Variants in BMP2K observed in about 807,000 individuals in gnomAD.
BMP2K encodes BMP-2-inducible protein kinase.
Under a neutral mutation model 116.0 loss-of-function variants are expected in BMP2K, and 74 were observed. That is an observed-to-expected ratio of 0.64 (90% CI 0.53 to 0.77). BMP2K has a LOEUF of 0.77. Ranked by LOEUF, BMP2K falls within the 30% of genes least tolerant of loss-of-function variation. The pLI is 0.00. For synonymous variants in BMP2K, 486 were observed against 502.5 expected, an observed-to-expected ratio of 0.97 and a Z score of 0.44; for missense variants, 1,365 against 1,403.6, an observed-to-expected ratio of 0.97 and a Z score of 0.44.
chr4:78,912,046 G>A lies in BMP2K; in HGVS notation c.*13G>A. The A allele has an allele frequency of 6.4e-7, 1 of 1,566,964 alleles. No homozygotes were observed. Among genetic ancestry groups the A allele is most frequent in the Non-Finnish European group, 8.7e-7 (1 of 1,155,184 alleles). On this transcript the variant is annotated 3_prime_UTR_variant, in exon 16 of 16. Coordinates refer to ENST00000502613, the MANE Select transcript of BMP2K (RefSeq NM_198892.2). ...TTCTAAACAGTAGATACTTCTGATG[G>A]ATTCTCGGCATTAACTCCTGTTTCA... is the stretch of plus-strand genomic sequence containing the variant.
intron 1 of BMP2K, among the ~76,000 whole-genome samples, chr4:78,790,229 G>T (rs1727933026): frequency 6.6e-6 from 1 of 152,130 alleles, no homozygotes. Context: ...CTTGATTTAT[G>T]ATTTTAAAAC....
At chr4:78,802,831 A>C (rs1010103554) in intron 1 of BMP2K, among the ~76,000 whole-genome samples, 1 of 142,638 alleles carries the variant, frequency 7.0e-6, no homozygotes, top group South Asian at 2.1e-4. Flanking sequence ...ATCAGCATTT[A>C]TAATCTTTTT....
At position 78,910,081 on chromosome 4, in the gene BMP2K, C is replaced by T. The variant is rs143490395; in HGVS notation, c.2063-529C>T. Among the ~76,000 whole-genome samples, 1,203 of 152,172 alleles carry T rather than the reference C, an allele frequency of 7.9e-3. 18 individuals carry two copies. Among genetic ancestry groups the T allele is most frequent in the African/African-American group, 0.028 (1,142 of 41,510 alleles). ...ATCTGGTCCTTAGCTTTGGTGAGGC[C>T]ATTCATGCTAAGTCAATTCAAAAGA... On this transcript the variant is annotated intron_variant, in intron 15 of 15. Transcript: ENST00000502613.
intron 1 of BMP2K, among the ~76,000 whole-genome samples, chr4:78,813,451 A>G (rs1051120300): frequency 6.6e-6 from 1 of 152,192 alleles, no homozygotes; most frequent in Non-Finnish European, 1.5e-5. Flanking sequence ...AGCAAAAGCC[A>G]GTGACATTAC....
At chr4:78,880,365 C>G (rs951387781) in intron 14 of BMP2K, among the ~76,000 whole-genome samples, 1 of 152,164 alleles carries the variant, frequency 6.6e-6, no homozygotes, top group Non-Finnish European at 1.5e-5. Context: ...AGCCACCATG[C>G]CCAGCTCTTT....
chr4:78,857,597 C>T (rs528445917), intron 7 of BMP2K, among the ~76,000 whole-genome samples: 16 of 152,106 alleles, frequency 1.1e-4, no homozygotes, highest in South Asian at 2.1e-4. Flanking sequence ...TAAACCAGGC[C>T]GCAAAAGAAG....
chr4:78,779,413 A>G (rs1192949523), intron 1 of BMP2K, among the ~76,000 whole-genome samples: 3 of 152,244 alleles, frequency 2.0e-5, no homozygotes, highest in Admixed American at 2.0e-4. Flanking sequence ...CACTACGCTT[A>G]GGGACTGTTT....
At chr4:78,777,349 G>T (rs1030895562) in intron 1 of BMP2K, among the ~76,000 whole-genome samples, 1 of 152,142 alleles carries the variant, frequency 6.6e-6, no homozygotes, top group Non-Finnish European at 1.5e-5. Context: ...TGCTATTCAT[G>T]CCCTCCCAGT....
intron 13 of BMP2K, 27 bp downstream of exon 13, chr4:78,872,825 G>A: frequency 6.3e-7 from 1 of 1,595,236 alleles, no homozygotes; most frequent in South Asian, 1.1e-5. Context: ...TGAAAGCAAA[G>A]GAAATTATTG....
intron 8 of BMP2K, among the ~76,000 whole-genome samples, chr4:78,860,999 A>G (rs1208749342): frequency 6.6e-6 from 1 of 151,864 alleles, no homozygotes; most frequent in Admixed American, 6.6e-5. Flanking sequence ...CTTGAAAATT[A>G]TCTGTAGTAT....
chr4:78,815,011 T>C (rs538023319), intron 1 of BMP2K, among the ~76,000 whole-genome samples: 1 of 152,132 alleles, frequency 6.6e-6, no homozygotes, highest in East Asian at 1.9e-4. Flanking sequence ...ACTCCAACTT[T>C]AAGAGCAATG....
At chr4:78,785,673 G>A (rs1425583017) in intron 1 of BMP2K, among the ~76,000 whole-genome samples, 1 of 152,144 alleles carries the variant, frequency 6.6e-6, no homozygotes, top group African/African-American at 2.4e-5. Flanking sequence ...ATGAGGAGGA[G>A]GTATGACAGT....
At chr4:78,843,046 G>T (rs1730835855) in intron 4 of BMP2K, among the ~76,000 whole-genome samples, 1 of 151,812 alleles carries the variant, frequency 6.6e-6, no homozygotes, top group South Asian at 2.1e-4. Context: ...GTGGATTCTT[G>T]ACCTCTTATA....
chr4:78,849,422 C>A (rs1209296901), intron 6 of BMP2K, among the ~76,000 whole-genome samples: 2 of 151,458 alleles, frequency 1.3e-5, no homozygotes, highest in Non-Finnish European at 3.0e-5. Context: ...TTAAAGTATA[C>A]TTGCATTGCT....
intron 15 of BMP2K, among the ~76,000 whole-genome samples, chr4:78,891,233 C>T (rs1466772546): frequency 1.3e-5 from 2 of 152,048 alleles, no homozygotes; most frequent in South Asian, 2.1e-4. Flanking sequence ...TTTTCTGATC[C>T]TTTATGTGTG....
chr4:78,874,155 C>T lies in BMP2K; in HGVS notation c.1793+1357C>T, dbSNP rs537698955. On this transcript the variant is annotated intron_variant, in intron 13 of 15. Coordinates refer to ENST00000502613, the MANE Select transcript of BMP2K (RefSeq NM_198892.2). ...ATCATGCCACTGCACTCCAGCCTGG[C>T]AACAGAGCGAGACTCCATCTCACAC... is the stretch of plus-strand genomic sequence containing the variant. 2.7e-5 allele frequency among the ~76,000 whole-genome samples: 4 copies of T among 150,836 alleles called. No individual in the cohort carries two copies. The East Asian group carries it at 7.9e-4, about 30-fold the overall frequency.
chr4:78,905,035 G>T (rs916138681), intron 15 of BMP2K, among the ~76,000 whole-genome samples: 3 of 151,652 alleles, frequency 2.0e-5, no homozygotes, highest in South Asian at 4.1e-4. Context: ...ATATATGAAT[G>T]TATTCCTATT....
chr4:78,814,214 G>A (rs1251667353), intron 1 of BMP2K, among the ~76,000 whole-genome samples: 2 of 152,138 alleles, frequency 1.3e-5, no homozygotes, highest in African/African-American at 2.4e-5. Context: ...GTTAAAAATG[G>A]CATTTTCTTT....
At chr4:78,835,286 G>A (rs1730416388) in intron 3 of BMP2K, among the ~76,000 whole-genome samples, 1 of 152,186 alleles carries the variant, frequency 6.6e-6, no homozygotes, top group East Asian at 1.9e-4. Flanking sequence ...TGTGGTATAT[G>A]AAATTTAAAA....
Sources: gnomAD v4.1 joint callset for allele counts (sites outside exome capture counted in the v4.1 genomes callset) on GRCh38, gnomAD v4.1.1 for gene constraint, MANE v1.5 for transcripts, NCBI Gene and HGNC (gene_info 2026-07-23, HGNC 2026-07-21) for gene names.